The following SLAMF1 variants were observed in gnomAD, a reference collection of about 807,000 sequenced individuals.
The protein encoded by SLAMF1 is signaling lymphocytic activation molecule family member 1.
SLAMF1 carries 18 observed loss-of-function variants against 35.1 expected under a neutral mutation model. That is an observed-to-expected ratio of 0.51 (90% confidence interval 0.35 to 0.76). The LOEUF (loss-of-function observed/expected upper bound fraction) is 0.76, where lower values mean the gene tolerates loss of function less well. Among genes scored for constraint, SLAMF1 ranks in the 30% least tolerant of loss-of-function variants. The pLI, the probability that SLAMF1 is intolerant of heterozygous loss-of-function variation, is 0.01. For synonymous variants in SLAMF1, 168 were observed against 157.2 expected (o/e 1.07, Z -0.51); for missense variants, 392 against 413.0 (o/e 0.95, Z 0.44).
At chr1:160,640,357 T>C (rs56008331) in intron 1 of SLAMF1, among the ~76,000 whole-genome samples, 2,003 of 105,284 alleles carry the variant, frequency 0.019, 34 homozygotes, top group African/African-American at 0.058. Flanking sequence ...TATATATATA[T>C]ATACACACAC....
intron 1 of SLAMF1, among the ~76,000 whole-genome samples, chr1:160,641,715 G>A (rs1241322506): frequency 6.6e-6 from 1 of 152,078 alleles, no homozygotes; most frequent in Non-Finnish European, 1.5e-5. Flanking sequence ...ATAAGCACAA[G>A]GTGGAAAAAT....
intron 4 of SLAMF1, among the ~76,000 whole-genome samples, chr1:160,622,760 G>A (rs1477701113): frequency 6.6e-6 from 1 of 152,180 alleles, no homozygotes; most frequent in Admixed American, 6.6e-5. Context: ...GCATCTGAAT[G>A]TAAGTTTGTC....
chr1:160,624,369 A>T (rs930605076), intron 3 of SLAMF1, among the ~76,000 whole-genome samples, 184 bp from the exon 4 acceptor site: 1 of 152,152 alleles, frequency 6.6e-6, no homozygotes, highest in African/African-American at 2.4e-5. Flanking sequence ...CTGTTTTCTT[A>T]TTCTAATTTC....
chr1:160,637,035 C>G (rs961895383), intron 2 of SLAMF1, 156 bp downstream of exon 2: 2 of 609,296 alleles, frequency 3.3e-6, no homozygotes, highest in African/African-American at 3.7e-5. Context: ...ACCTTTAAAA[C>G]GTCTTCCATG....
At chr1:160,644,625 G>A (rs1240947945) in intron 1 of SLAMF1, among the ~76,000 whole-genome samples, 1 of 152,206 alleles carries the variant, frequency 6.6e-6, no homozygotes, top group Non-Finnish European at 1.5e-5. Flanking sequence ...GCCACATCAT[G>A]TGTCCTTAAT....
intron 1 of SLAMF1, among the ~76,000 whole-genome samples, chr1:160,643,469 G>A (rs370613519): frequency 1.8e-4 from 28 of 152,230 alleles, no homozygotes; most frequent in African/African-American, 5.1e-4. Context: ...TTTATTATTC[G>A]TTTGGATCAG....
chr1:160,619,645 T>C (rs950660755), intron 5 of SLAMF1, 131 bp downstream of exon 5: 4 of 707,550 alleles, frequency 5.7e-6, no homozygotes, highest in African/African-American at 1.8e-5. Context: ...AGAACTCTTG[T>C]TCTTGACTCC....
chr1:160,619,235 A>G (rs1336349137), intron 5 of SLAMF1, among the ~76,000 whole-genome samples: 1 of 152,112 alleles, frequency 6.6e-6, no homozygotes, highest in Admixed American at 6.5e-5. Context: ...TTCACCATGC[A>G]TCCAGTTTTT....
intron 1 of SLAMF1, among the ~76,000 whole-genome samples, chr1:160,646,555 C>T (rs886953235): frequency 2.0e-5 from 3 of 152,312 alleles, no homozygotes; most frequent in Non-Finnish European, 1.5e-5. Flanking sequence ...CCATGTAAAA[C>T]CAACCACTCA....
chr1:160,625,303 A>T (rs1419244392), intron 3 of SLAMF1, among the ~76,000 whole-genome samples: 1 of 152,198 alleles, frequency 6.6e-6, no homozygotes, highest in Non-Finnish European at 1.5e-5. Flanking sequence ...ACTTATAAGG[A>T]TGATTGTGGA....
intron 3 of SLAMF1, among the ~76,000 whole-genome samples, chr1:160,628,350 G>A (rs540881467): frequency 6.6e-6 from 1 of 152,210 alleles, no homozygotes; most frequent in East Asian, 1.9e-4. Context: ...TTCTGCACAA[G>A]TATCATCTTC....
At chr1:160,612,245 ATTTTTT>A in intron 6 of SLAMF1, among the ~76,000 whole-genome samples, 1 of 147,996 alleles carries the variant, frequency 6.8e-6, no homozygotes. Flanking sequence ...TTTTGTTTTA[ATTTTTT>A]TTTTTTTACT....
intron 5 of SLAMF1, among the ~76,000 whole-genome samples, chr1:160,615,969 C>T (rs1402362312): frequency 1.3e-5 from 2 of 152,178 alleles, no homozygotes; most frequent in Non-Finnish European, 2.9e-5. Context: ...TGATTTTGGA[C>T]TTCTGACCTC....
Position 160,637,567 on chromosome 1 carries a change from G to A in SLAMF1, c.77-38C>T, listed in dbSNP as rs185054542. The stretch of plus-strand genomic sequence containing the variant: ...GGAGAAGAGAGTCCCTTATTATTAA[G>A]GCCTTTAGACAACATCGTGTCAGCA... On this transcript the variant is annotated intron_variant, in intron 1 of 6. Coordinates refer to ENST00000302035, the MANE Select transcript of SLAMF1 (RefSeq NM_003037.5). 5 of 1,442,190 alleles carry A rather than the reference G, an allele frequency of 3.5e-6. No individual in the cohort carries two copies. In the African/African-American group the frequency reaches 4.2e-5, roughly 12 times the overall value. 89.3% of individuals were successfully genotyped at this position (1,442,190 alleles called of 1,614,324 possible).
Position 160,610,051 on chromosome 1 carries a change from T to C in SLAMF1, c.*697A>G, listed in dbSNP as rs1286390420. 7 of 295,604 alleles carry C rather than the reference T, an allele frequency of 2.4e-5. No homozygotes were observed. In the Admixed American group the frequency reaches 3.2e-4, roughly 13 times the overall value. 18.3% of individuals were successfully genotyped at this position (295,604 alleles called of 1,614,324 possible). A position where few individuals can be genotyped will look rare whatever the true frequency, so the allele number is the denominator to read the frequency against. On this transcript the variant is annotated 3_prime_UTR_variant, in exon 7 of 7. Transcript: ENST00000302035. Reference sequence around the variant, plus strand: ...GAATGCCATTTGCACAGAACTGTACTTTTAAGGCTCTTACATGGTTTCCAG... The same window carrying C: ...GAATGCCATTTGCACAGAACTGTACCTTTAAGGCTCTTACATGGTTTCCAG...
intron 1 of SLAMF1, among the ~76,000 whole-genome samples, chr1:160,638,790 A>T (rs949961541): frequency 6.6e-6 from 1 of 152,160 alleles, no homozygotes; most frequent in Non-Finnish European, 1.5e-5. Flanking sequence ...GACATAGTTC[A>T]TCCATCCCTC....
chr1:160,610,479 T>G lies in SLAMF1; in HGVS notation c.*269A>C. ...AACTCACATTACTGTCCATTTCATC[T>G]GCTACAACACAAAGATGGAACGCTG... On this transcript the variant is annotated 3_prime_UTR_variant, in exon 7 of 7. Coordinates refer to ENST00000302035, the MANE Select transcript of SLAMF1 (RefSeq NM_003037.5). 9.6e-6 allele frequency: 5 copies of G among 521,612 alleles called. No individual in the cohort carries two copies. The highest frequency in any genetic ancestry group is 9.0e-5 in the South Asian group (5 of 55,390). 32.3% of individuals were successfully genotyped at this position (521,612 alleles called of 1,614,324 possible). A position where few individuals can be genotyped will look rare whatever the true frequency, so the allele number is the denominator to read the frequency against.
At chr1:160,643,636 T>C (rs1176633755) in intron 1 of SLAMF1, among the ~76,000 whole-genome samples, 1 of 152,248 alleles carries the variant, frequency 6.6e-6, no homozygotes, top group Non-Finnish European at 1.5e-5. Flanking sequence ...AAAAAATTGA[T>C]ACATAATAGA....
rs1451735164 is a variant in SLAMF1, at chr1:160,622,449, ATATTTTC to A, written c.790+1640_790+1646del. 3.3e-5 allele frequency among the ~76,000 whole-genome samples: 5 copies of A among 152,218 alleles called. No individual in the cohort carries two copies. The South Asian group carries it at 1.0e-3, about 31-fold the overall frequency. ...AAGTCTTATGTTACCATGACTTAAA[ATATTTTC>A]AATCTGTTCTAGGTATTGTTTCCAG... On this transcript the variant is annotated intron_variant, in intron 4 of 6. Transcript: ENST00000302035.
Sources: allele counts gnomAD v4.1 joint callset (sites outside exome capture counted in the v4.1 genomes callset), GRCh38; gene constraint gnomAD v4.1.1; transcripts MANE v1.5; gene names NCBI Gene and HGNC (gene_info 2026-07-23, HGNC 2026-07-21).